TRPS1: variants seen among roughly 807,000 people sequenced by gnomAD.
TRPS1 encodes the protein zinc finger transcription factor Trps1.
Under a neutral mutation model 101.2 loss-of-function variants are expected in TRPS1, and 6 were observed. The observed-to-expected ratio is 0.06, with a 90% CI of 0.03 to 0.12. The LOEUF (loss-of-function observed/expected upper bound fraction) is 0.12, where lower values mean the gene tolerates loss of function less well. TRPS1 is among the 10% of genes least tolerant of loss of function. The pLI is 1.00. For synonymous variants in TRPS1, 578 were observed against 589.8 expected (o/e 0.98, Z 0.29); for missense variants, 1,363 against 1,567.0 (o/e 0.87, Z 2.20).
chr8:115,481,767 CCT>C (rs1183409426), intron 5 of TRPS1, among the ~76,000 whole-genome samples: 3 of 152,132 alleles, frequency 2.0e-5, no homozygotes, highest in Admixed American at 1.3e-4. Flanking sequence ...GTTTTTCCCC[CCT>C]CTGAGTTTTT....
chr8:115,588,187 AAAT>A (rs1246806926), intron 4 of TRPS1, among the ~76,000 whole-genome samples: 1 of 152,198 alleles, frequency 6.6e-6, no homozygotes, highest in Non-Finnish European at 1.5e-5. Context: ...TTTAAATATA[AAAT>A]AATAAATCAT....
chr8:115,451,735 C>T (rs571382320), intron 5 of TRPS1, among the ~76,000 whole-genome samples: 2 of 152,286 alleles, frequency 1.3e-5, no homozygotes, highest in African/African-American at 2.4e-5. Context: ...GGTGGGGTAT[C>T]GTTCGTTTGT....
Position 115,587,132 on chromosome 8 carries a change from C to T in TRPS1, c.2569G>A (p.Gly857Ser). The T allele has an allele frequency of 6.2e-7, 1 of 1,614,188 alleles. No individual in the cohort carries two copies. Among genetic ancestry groups the T allele is most frequent in the Non-Finnish European group, 8.5e-7 (1 of 1,180,032 alleles). The change falls in exon 5 of 7, where the codon GGC (glycine) becomes AGC (serine). Residue 857 changes from glycine to serine, a missense_variant. This residue lies in a region of TRPS1 where 1,020 missense variants were observed against 1,073.0 expected (regional missense o/e 0.95). Transcript: ENST00000395715. ...AATCCCTTGGTTTCCACAGCCAAGC[C>T]ATAAATAGGTCGCGCCAGATGGGCG... is the stretch of plus-strand genomic sequence containing the variant. ...EAAHLARPIY[G>S]LAVETKGFLQ...
intron 5 of TRPS1, among the ~76,000 whole-genome samples, chr8:115,543,992 G>A (rs1404301111): frequency 6.6e-6 from 1 of 151,940 alleles, no homozygotes; most frequent in East Asian, 1.9e-4. Flanking sequence ...ACTGTTACTT[G>A]TAATTCATCA....
At chr8:115,506,970 T>C (rs1815460140) in intron 5 of TRPS1, among the ~76,000 whole-genome samples, 1 of 152,148 alleles carries the variant, frequency 6.6e-6, no homozygotes, top group Non-Finnish European at 1.5e-5. Context: ...TTTAAAACTA[T>C]ATTTTAAAAA....
chr8:115,601,155 G>A (rs1381939751), intron 4 of TRPS1, among the ~76,000 whole-genome samples: 1 of 152,118 alleles, frequency 6.6e-6, no homozygotes, highest in Non-Finnish European at 1.5e-5. Flanking sequence ...CATGGCTTAT[G>A]CTAATTTTTA....
chr8:115,647,559 T>G (rs1563668369), intron 1 of TRPS1, among the ~76,000 whole-genome samples: 1 of 152,208 alleles, frequency 6.6e-6, no homozygotes, highest in African/African-American at 2.4e-5. Context: ...GTGACTTTAT[T>G]TATAGTTTCT....
intron 3 of TRPS1, among the ~76,000 whole-genome samples, chr8:115,616,132 C>T (rs999828238): frequency 6.6e-6 from 1 of 152,146 alleles, no homozygotes; most frequent in African/African-American, 2.4e-5. Flanking sequence ...TCAGAAAGGA[C>T]AGTCTTGGCT....
At chr8:115,560,714 C>T (rs73703316) in intron 5 of TRPS1, among the ~76,000 whole-genome samples, 2,240 of 152,120 alleles carry the variant, frequency 0.015, 68 homozygotes, top group African/African-American at 0.051. Context: ...TGGAGTGATA[C>T]CCAAGGCACA....
intron 5 of TRPS1, among the ~76,000 whole-genome samples, chr8:115,530,536 A>AGTAACACTAAG (rs1816104629): frequency 6.6e-6 from 1 of 152,182 alleles, no homozygotes; most frequent in Non-Finnish European, 1.5e-5. Flanking sequence ...GAAAACATGG[A>AGTAACACTAAG]GTAACACTAA....
intron 5 of TRPS1, among the ~76,000 whole-genome samples, chr8:115,539,019 G>C (rs1816389106): frequency 6.6e-6 from 1 of 152,170 alleles, no homozygotes; most frequent in Admixed American, 6.5e-5. Flanking sequence ...GTAAGTCCAA[G>C]ATGCTTAAAA....
At chr8:115,524,469 C>T (rs1210510395) in intron 5 of TRPS1, among the ~76,000 whole-genome samples, 2 of 151,652 alleles carry the variant, frequency 1.3e-5, no homozygotes, top group Admixed American at 6.6e-5. Flanking sequence ...TACAGGCATG[C>T]GCCACCACGC....
chr8:115,549,671 T>TAA (rs36083510), intron 5 of TRPS1, among the ~76,000 whole-genome samples: 82 of 114,116 alleles, frequency 7.2e-4, no homozygotes, highest in Non-Finnish European at 1.1e-3. Flanking sequence ...AATACTCTAT[T>TAA]AAAAAAAAAA....
intron 1 of TRPS1, among the ~76,000 whole-genome samples, chr8:115,642,849 A>AAATAT (rs981274987): frequency 6.8e-5 from 10 of 146,040 alleles, no homozygotes; most frequent in East Asian, 3.9e-4. Flanking sequence ...CGTGAAAAAA[A>AAATAT]ATATATATAT....
chr8:115,414,241 G>C lies in TRPS1; in HGVS notation c.3667C>G (p.Gln1223Glu), dbSNP rs552790959. 48 of 1,613,996 alleles carry C rather than the reference G, an allele frequency of 3.0e-5. No homozygotes were observed. In the South Asian group the frequency reaches 3.7e-4, roughly 13 times the overall value. Reference protein sequence around the residue: ...VKTEKVDRSTQDELSTKCVHC... With the variant: ...VKTEKVDRSTEDELSTKCVHC... ...ACACATTTTGTTGAAAGTTCATCTT[G>C]AGTACTTCTATCAACTTTCTCTGTT... Residue 1223 changes from glutamine to glutamate, a missense_variant, in exon 7 of 7, where the codon CAA becomes GAA. Coordinates refer to ENST00000395715, the MANE Select transcript of TRPS1 (RefSeq NM_014112.5). The surrounding 1 kb of genome is among the most constrained non-coding windows in gnomAD (Gnocchi z 4.8).
chr8:115,650,754 G>T (rs1355605300), intron 1 of TRPS1, among the ~76,000 whole-genome samples: 2 of 152,170 alleles, frequency 1.3e-5, no homozygotes, highest in Non-Finnish European at 2.9e-5. Flanking sequence ...CACTTGATTG[G>T]CTATCACTGA....
intron 5 of TRPS1, among the ~76,000 whole-genome samples, chr8:115,503,444 C>A (rs571761183): frequency 4.7e-4 from 72 of 152,036 alleles, no homozygotes; most frequent in African/African-American, 1.6e-3. Context: ...GATTTGTTTT[C>A]TACATTTTAA....
At chr8:115,618,009 A>G (rs1818309457) in intron 3 of TRPS1, among the ~76,000 whole-genome samples, 2 of 152,208 alleles carry the variant, frequency 1.3e-5, no homozygotes, top group African/African-American at 2.4e-5. Context: ...ATTGCAAAAT[A>G]TGTTCACTAC....
chr8:115,667,310 A>C (rs922178622), intron 1 of TRPS1, among the ~76,000 whole-genome samples: 7 of 152,152 alleles, frequency 4.6e-5, no homozygotes, highest in African/African-American at 1.7e-4. Flanking sequence ...CCAGCCACAA[A>C]AACAGCTTTA....
Sources: gnomAD v4.1 joint callset for allele counts (sites outside exome capture counted in the v4.1 genomes callset) on GRCh38, gnomAD v4.1.1 for gene constraint, gnomAD v4.1.1 regional missense constraint, Gnocchi (gnomAD v3.1) non-coding constraint, MANE v1.5 for transcripts, NCBI Gene and HGNC (gene_info 2026-07-23, HGNC 2026-07-21) for gene names.